Variants in SNTG1 observed in about 807,000 individuals in gnomAD.
SNTG1 encodes gamma-1-syntrophin.
Under a neutral mutation model 74.7 loss-of-function variants are expected in SNTG1, and 39 were observed. The observed-to-expected ratio is 0.52, with a 90% CI of 0.40 to 0.68. The LOEUF is 0.68. Among genes scored for constraint, SNTG1 ranks in the 30% least tolerant of loss-of-function variants. SNTG1 has a pLI of 0.00. For synonymous variants in SNTG1, 254 were observed against 217.1 expected, an observed-to-expected ratio of 1.17 and a Z score of -1.49; for missense variants, 685 against 609.5, an observed-to-expected ratio of 1.12 and a Z score of -1.30.
intron 13 of SNTG1, among the ~76,000 whole-genome samples, chr8:50,643,160 T>C (rs1415631326): frequency 3.3e-5 from 5 of 152,248 alleles, no homozygotes; most frequent in Admixed American, 6.5e-5. Flanking sequence ...GAATGCATTT[T>C]AGATAACACT....
intron 15 of SNTG1, among the ~76,000 whole-genome samples, chr8:50,689,925 A>C (rs2095370235): frequency 6.6e-6 from 1 of 152,102 alleles, no homozygotes; most frequent in Non-Finnish European, 1.5e-5. Context: ...TCAATTTCAG[A>C]GCCTGTTATT....
intron 2 of SNTG1, among the ~76,000 whole-genome samples, chr8:50,250,655 G>T (rs1195929892): frequency 6.6e-6 from 1 of 151,988 alleles, no homozygotes; most frequent in South Asian, 2.1e-4. Flanking sequence ...AAAAATTGAT[G>T]ACATACTACA....
chr8:50,648,799 C>T (rs926155699), intron 13 of SNTG1, among the ~76,000 whole-genome samples: 10 of 152,066 alleles, frequency 6.6e-5, no homozygotes, highest in Non-Finnish European at 1.5e-4. Context: ...CTATTGTTAG[C>T]CATTGTGCTG....
At position 50,120,470 on chromosome 8, in the gene SNTG1, C is replaced by T. The variant is rs1294016330; in HGVS notation, c.-102-52091C>T. 2.1e-5 allele frequency among the ~76,000 whole-genome samples: 3 copies of T among 140,238 alleles called. 1 individual carries two copies. Among genetic ancestry groups the T allele is most frequent in the African/African-American group, 7.7e-5 (3 of 38,742 alleles). The allele number at this position is 140,238 out of a possible 152,430, so 92.0% of individuals were successfully genotyped here. On this transcript the variant is annotated intron_variant, in intron 1 of 18. Transcript: ENST00000642720. Reference sequence around the variant, plus strand: ...CTACTGAAACTATTAACTATTACTACCATTACTACTGCCACTAACACTATC... The same window carrying T: ...CTACTGAAACTATTAACTATTACTATCATTACTACTGCCACTAACACTATC...
chr8:50,391,247 C>T (rs1280654331), intron 2 of SNTG1, among the ~76,000 whole-genome samples: 1 of 152,118 alleles, frequency 6.6e-6, no homozygotes, highest in African/African-American at 2.4e-5. Flanking sequence ...TATGTCCCAT[C>T]GATACCTAAT....
intron 2 of SNTG1, among the ~76,000 whole-genome samples, chr8:50,370,648 G>A (rs546070904): frequency 6.6e-6 from 1 of 151,960 alleles, no homozygotes; most frequent in Non-Finnish European, 1.5e-5. Context: ...CTCCCCAAAG[G>A]CAGTTACTAG....
intron 15 of SNTG1, among the ~76,000 whole-genome samples, chr8:50,661,953 T>C (rs1047830500): frequency 1.3e-5 from 2 of 152,150 alleles, no homozygotes; most frequent in Non-Finnish European, 1.5e-5. Context: ...GAAAATTTCA[T>C]GTAGCATGAG....
intron 2 of SNTG1, among the ~76,000 whole-genome samples, chr8:50,217,296 T>C (rs1448092355): frequency 6.6e-6 from 1 of 152,096 alleles, no homozygotes; most frequent in Admixed American, 6.6e-5. Context: ...CACCTTGGCC[T>C]ATGATGAAAG....
intron 1 of SNTG1, among the ~76,000 whole-genome samples, chr8:50,116,136 A>T (rs1011325005): frequency 6.6e-6 from 1 of 152,166 alleles, no homozygotes; most frequent in Non-Finnish European, 1.5e-5. Context: ...AGGTTACATA[A>T]AAGAAAATAC....
intron 12 of SNTG1, among the ~76,000 whole-genome samples, chr8:50,576,443 C>T (rs141287889): frequency 6.6e-6 from 1 of 152,154 alleles, no homozygotes; most frequent in African/African-American, 2.4e-5. Context: ...TTTGGCAATT[C>T]GGGAGGGCCC....
intron 18 of SNTG1, among the ~76,000 whole-genome samples, chr8:50,758,463 C>G (rs1237111257): frequency 1.3e-5 from 2 of 151,976 alleles, no homozygotes; most frequent in African/African-American, 2.4e-5. Context: ...AATGCTATCC[C>G]TTCCCTGCCC....
At chr8:50,352,727 A>G (rs2091701564) in intron 2 of SNTG1, among the ~76,000 whole-genome samples, 1 of 152,158 alleles carries the variant, frequency 6.6e-6, no homozygotes, top group Non-Finnish European at 1.5e-5. Flanking sequence ...AGAAGTTAAG[A>G]CAGCTATTAA....
At chr8:50,501,062 G>C (rs1167115178) in intron 8 of SNTG1, among the ~76,000 whole-genome samples, 1 of 152,168 alleles carries the variant, frequency 6.6e-6, no homozygotes, top group African/African-American at 2.4e-5. Flanking sequence ...GTGGGGCAGA[G>C]TGTTCTGAGG....
At chr8:49,969,865 A>G (rs916160481) in intron 1 of SNTG1, among the ~76,000 whole-genome samples, 2 of 152,020 alleles carry the variant, frequency 1.3e-5, no homozygotes, top group Non-Finnish European at 2.9e-5. Flanking sequence ...CCTCAGCCAC[A>G]CTCAAAATGC....
chr8:49,932,515 C>G (rs1325698807), intron 1 of SNTG1, among the ~76,000 whole-genome samples: 1 of 151,604 alleles, frequency 6.6e-6, no homozygotes, highest in East Asian at 1.9e-4. Flanking sequence ...CACATGGTTT[C>G]TATCCATCTC....
intron 9 of SNTG1, among the ~76,000 whole-genome samples, chr8:50,528,093 T>C (rs1207392995): frequency 1.3e-5 from 2 of 152,006 alleles, no homozygotes; most frequent in Admixed American, 1.3e-4. Flanking sequence ...GCAAATAAGG[T>C]TTTGCTTCTT....
chr8:49,996,930 G>C (rs1814278187), intron 1 of SNTG1, among the ~76,000 whole-genome samples: 1 of 152,054 alleles, frequency 6.6e-6, no homozygotes, highest in South Asian at 2.1e-4. Context: ...AGAATCTTGA[G>C]GTCCAATAGT....
chr8:50,185,586 T>C (rs2083349811), intron 2 of SNTG1, among the ~76,000 whole-genome samples: 1 of 152,210 alleles, frequency 6.6e-6, no homozygotes, highest in Non-Finnish European at 1.5e-5. Flanking sequence ...ATGATAAATA[T>C]AAATGTATAT....
chr8:50,507,580 T>G (rs1486501435), intron 9 of SNTG1, among the ~76,000 whole-genome samples: 1 of 152,212 alleles, frequency 6.6e-6, no homozygotes, highest in Admixed American at 6.6e-5. Context: ...GAAGGTTATC[T>G]ATTTTTTCTA....
Sources: allele counts gnomAD v4.1 joint callset (sites outside exome capture counted in the v4.1 genomes callset), GRCh38; gene constraint gnomAD v4.1.1; transcripts MANE v1.5; gene names NCBI Gene and HGNC (gene_info 2026-07-23, HGNC 2026-07-21).